ENPP2: variants seen among roughly 807,000 people sequenced by gnomAD.
ENPP2 encodes the protein ectonucleotide pyrophosphatase/phosphodiesterase 2.
A neutral mutation model predicts 120.2 loss-of-function variants in ENPP2; 51 were observed. The ratio of observed to expected loss-of-function variants is 0.42; its 90% CI spans 0.34 to 0.54. ENPP2 has a LOEUF of 0.54. Among genes scored for constraint, ENPP2 ranks in the 20% least tolerant of loss-of-function variants. The pLI is 0.04. For missense variants in ENPP2, 920 were observed against 1,066.5 expected (o/e 0.86, Z 1.91); for synonymous variants, 365 against 366.4 (o/e 1.00, Z 0.04).
At position 119,617,171 on chromosome 8, in the gene ENPP2, A is replaced by G. The variant is rs1815515305; in HGVS notation, c.650T>C (p.Leu217Ser). ...PTKTFPNLYT[L>S]ATGLYPESHG... The stretch of plus-strand genomic sequence containing the variant: ...ATTCGAAAAAATACTTACAGTGGCC[A>G]AAGTGTATAAGTTAGGAAAGGTTTT... The change falls in exon 7 of 25, where the codon TTG (leucine) becomes TCG (serine). Residue 217 changes from leucine to serine, a missense_variant. Transcript: ENST00000075322. 1.9e-6 allele frequency: 3 copies of G among 1,608,904 alleles called. No individual in the cohort carries two copies. The highest frequency in any genetic ancestry group is 2.6e-6 in the Non-Finnish European group (3 of 1,175,232).
At position 119,599,318 on chromosome 8, in the gene ENPP2, A is replaced by C. The variant is rs185529507; in HGVS notation, c.972+1360T>G. ...ATCACCTCTGAATTGATGTCAAAGC[A>C]TTCAGAAACACTTATGACTCCTTGG... On this transcript the variant is annotated intron_variant, in intron 11 of 24. Transcript: ENST00000075322. 3.9e-5 allele frequency among the ~76,000 whole-genome samples: 6 copies of C among 152,342 alleles called. No individual in the cohort carries two copies. The East Asian group carries it at 9.6e-4, about 24-fold the overall frequency.
At chr8:119,624,649 A>C (rs886720353) in intron 3 of ENPP2, among the ~76,000 whole-genome samples, 6 of 152,186 alleles carry the variant, frequency 3.9e-5, no homozygotes, top group Non-Finnish European at 8.8e-5. Flanking sequence ...ATTAGGTTGC[A>C]ACAGTTCAAT....
intron 13 of ENPP2, among the ~76,000 whole-genome samples, chr8:119,587,866 G>A (rs1300860322): frequency 6.6e-6 from 1 of 152,180 alleles, no homozygotes; most frequent in Non-Finnish European, 1.5e-5. Flanking sequence ...CAGCAGAAAA[G>A]GAAAGTGGTG....
chr8:119,569,503 G>C, intron 20 of ENPP2, 133 bp from the exon 21 acceptor site: 1 of 763,936 alleles, frequency 1.3e-6, no homozygotes, highest in East Asian at 3.0e-5. Context: ...TTTTATCTTT[G>C]ATAGTCTGAC....
chr8:119,652,114 G>T (rs529232408), intron 1 of ENPP2, among the ~76,000 whole-genome samples: 1 of 152,174 alleles, frequency 6.6e-6, no homozygotes, highest in South Asian at 2.1e-4. Context: ...TTACGATCAA[G>T]GCACCAGCAG....
upstream of ENPP2, among the ~76,000 whole-genome samples, chr8:119,641,692 CTGA>C (rs1395640080): frequency 6.6e-6 from 1 of 152,146 alleles, no homozygotes; most frequent in African/African-American, 2.4e-5. Context: ...GTTTAAAATG[CTGA>C]TGTTTATGTC....
chr8:119,597,980 T>C (rs1814021741), intron 11 of ENPP2, among the ~76,000 whole-genome samples: 1 of 152,242 alleles, frequency 6.6e-6, no homozygotes, highest in Non-Finnish European at 1.5e-5. Context: ...TTTTCTTATA[T>C]GTAAAAGATA....
chr8:119,623,427 T>C (rs1816048730), intron 3 of ENPP2, among the ~76,000 whole-genome samples: 1 of 152,040 alleles, frequency 6.6e-6, no homozygotes, highest in African/African-American at 2.4e-5. Flanking sequence ...ATCATGCCAT[T>C]GCACTCCAGC....
intron 1 of ENPP2, among the ~76,000 whole-genome samples, chr8:119,663,222 G>A (rs532744512): frequency 6.6e-6 from 1 of 152,056 alleles, no homozygotes; most frequent in African/African-American, 2.4e-5. Flanking sequence ...TTCAAGTTAG[G>A]TCAAAAAACA....
chr8:119,605,490 C>T (rs1814655752), intron 9 of ENPP2, among the ~76,000 whole-genome samples: 1 of 143,212 alleles, frequency 7.0e-6, no homozygotes, highest in African/African-American at 2.7e-5. Flanking sequence ...GACAGAGTTT[C>T]ACTCTTGTTG....
chr8:119,635,036 CT>C (rs1816915167), intron 2 of ENPP2, among the ~76,000 whole-genome samples: 1 of 152,202 alleles, frequency 6.6e-6, no homozygotes, highest in South Asian at 2.1e-4. Context: ...CCGAGTTTTG[CT>C]CACAGAGCAA....
chr8:119,634,442 A>G (rs187677577), intron 2 of ENPP2, among the ~76,000 whole-genome samples: 409 of 152,320 alleles, frequency 2.7e-3, no homozygotes, highest in Admixed American at 5.4e-3. Flanking sequence ...TTAACTCAAT[A>G]AGGTATAAGT....
At chr8:119,628,042 T>C (rs1022203101) in intron 2 of ENPP2, among the ~76,000 whole-genome samples, 1 of 151,476 alleles carries the variant, frequency 6.6e-6, no homozygotes, top group Admixed American at 6.6e-5. Flanking sequence ...TAAACACTTA[T>C]TTAAAAATAA....
intron 15 of ENPP2, 64 bp downstream of exon 15, chr8:119,586,122 A>G (rs1021799031): frequency 1.3e-6 from 2 of 1,541,054 alleles, no homozygotes; most frequent in African/African-American, 2.7e-5. Flanking sequence ...ATGATAAAAT[A>G]TTTCCAGTTG....
chr8:119,562,316 G>A lies in ENPP2; in HGVS notation c.2421+541C>T, dbSNP rs187207594. On this transcript the variant is annotated intron_variant, in intron 24 of 24. Transcript: ENST00000075322. ...AAATTAGCTGGGCATGGTGGTGCCC[G>A]CCTACAATCCCAGCTACTCGGGAGG... 5.4e-3 allele frequency among the ~76,000 whole-genome samples: 821 copies of A among 151,970 alleles called. 10 individuals are homozygous for A. The highest frequency in any genetic ancestry group is 0.019 in the African/African-American group (783 of 41,426).
intron 1 of ENPP2, among the ~76,000 whole-genome samples, chr8:119,671,675 T>C (rs973285505): frequency 6.6e-6 from 1 of 152,154 alleles, no homozygotes; most frequent in African/African-American, 2.4e-5. Flanking sequence ...TCGGTGATTT[T>C]AAGGTGCTCT....
intron 9 of ENPP2, among the ~76,000 whole-genome samples, chr8:119,602,223 C>T (rs1409938909): frequency 2.6e-5 from 4 of 151,940 alleles, no homozygotes; most frequent in African/African-American, 7.3e-5. Flanking sequence ...TTTGGGAAGC[C>T]GAGGCAGGCA....
chr8:119,621,600 A>G (rs541725543), intron 3 of ENPP2, 81 bp from the exon 4 acceptor site: 18 of 1,472,128 alleles, frequency 1.2e-5, no homozygotes, highest in Admixed American at 3.5e-5. Context: ...AGGATTTCCA[A>G]TGAAGAAAGC....
chr8:119,666,553 G>A (rs1401467747), intron 1 of ENPP2, among the ~76,000 whole-genome samples: 2 of 152,132 alleles, frequency 1.3e-5, no homozygotes, highest in African/African-American at 4.8e-5. Flanking sequence ...GGCCGAGGCG[G>A]GCAGATCACC....
Sources: allele counts gnomAD v4.1 joint callset (sites outside exome capture counted in the v4.1 genomes callset), GRCh38; gene constraint gnomAD v4.1.1; transcripts MANE v1.5; gene names NCBI Gene and HGNC (gene_info 2026-07-23, HGNC 2026-07-21).